The following SCAF4 variants were observed in gnomAD, a reference collection of about 807,000 sequenced individuals.
The protein encoded by SCAF4 is SR-related CTD associated factor 4, also known as SR-related and CTD-associated factor 4.
In SCAF4, 25 loss-of-function variants were observed where a neutral mutation model predicts 129.8. The observed-to-expected ratio is 0.19, with a 90% confidence interval of 0.14 to 0.27. The LOEUF is 0.27. Ranked by LOEUF, SCAF4 falls within the 10% of genes least tolerant of loss-of-function variation. The pLI is 1.00. For missense variants in SCAF4, 1,246 were observed against 1,457.1 expected (o/e 0.86, Z 2.36); for synonymous variants, 551 against 497.7 (o/e 1.11, Z -1.43).
intron 7 of SCAF4, 144 bp downstream of exon 7, chr21:31,700,851 G>T: frequency 1.1e-6 from 1 of 939,606 alleles, no homozygotes; most frequent in South Asian, 1.4e-5. Flanking sequence ...GAAAATAATC[G>T]ATGTTTTCTT....
intron 1 of SCAF4, among the ~76,000 whole-genome samples, chr21:31,717,842 T>TATATATACACAC (rs547466352): frequency 8.7e-6 from 1 of 114,384 alleles, no homozygotes; most frequent in Non-Finnish European, 1.7e-5. Flanking sequence ...TATATATATA[T>TATATATACACAC]ACACACACAC....
At chr21:31,725,258 A>C (rs2051173675) in intron 1 of SCAF4, among the ~76,000 whole-genome samples, 1 of 152,016 alleles carries the variant, frequency 6.6e-6, no homozygotes, top group South Asian at 2.1e-4. Flanking sequence ...AAACATTAAC[A>C]CTACAGGTTA....
At chr21:31,687,857 C>T (rs1235853517) in intron 16 of SCAF4, among the ~76,000 whole-genome samples, 1 of 151,816 alleles carries the variant, frequency 6.6e-6, no homozygotes, top group Non-Finnish European at 1.5e-5. Flanking sequence ...CCTGTAATCC[C>T]AGCACTTTGG....
intron 1 of SCAF4, among the ~76,000 whole-genome samples, chr21:31,708,629 A>G (rs906077293): frequency 6.6e-6 from 1 of 152,108 alleles, no homozygotes; most frequent in Non-Finnish European, 1.5e-5. Flanking sequence ...TGCAAAAACA[A>G]AAACAAAAAC....
At chr21:31,673,237 G>C (rs963970910) in intron 19 of SCAF4, among the ~76,000 whole-genome samples, 1 of 151,930 alleles carries the variant, frequency 6.6e-6, no homozygotes, top group Non-Finnish European at 1.5e-5. Context: ...TCACCACTTA[G>C]GTACAGAAAA....
chr21:31,691,005 T>C, intron 14 of SCAF4, 52 bp from the exon 15 acceptor site: 2 of 1,482,664 alleles, frequency 1.3e-6, no homozygotes, highest in Admixed American at 3.8e-5. Context: ...AGGTCGTAAG[T>C]CTTGAGGGTA....
intron 1 of SCAF4, among the ~76,000 whole-genome samples, chr21:31,718,670 T>C (rs2050997740): frequency 1.3e-5 from 2 of 152,348 alleles, no homozygotes; most frequent in East Asian, 3.9e-4. Flanking sequence ...GAGTCTTGTT[T>C]GAATGTAAAC....
At chr21:31,702,614 A>T (rs2050561912) in intron 4 of SCAF4, among the ~76,000 whole-genome samples, 1 of 152,198 alleles carries the variant, frequency 6.6e-6, no homozygotes, top group Non-Finnish European at 1.5e-5. Context: ...GACAATAAAA[A>T]GAAATTTATT....
rs112184778 is a variant in SCAF4, at chr21:31,723,609, G to GTTGTGTGTGTGTGTGTGT, written c.30+8053_30+8054insACACACACACACACACAA. On this transcript the variant is annotated intron_variant, in intron 1 of 19. Transcript: ENST00000286835. Reference sequence around the variant, plus strand: ...TTTAAAAGTCTGGTATGATTTATATGATGTGTGTGTGTGTGTGTGTGCGCG... The same window carrying GTTGTGTGTGTGTGTGTGT: ...TTTAAAAGTCTGGTATGATTTATATGTTGTGTGTGTGTGTGTGTATGTGTGTGTGTGTGTGTGTGCGCG... Among the ~76,000 whole-genome samples the GTTGTGTGTGTGTGTGTGT allele has an allele frequency of 1.6e-4, 23 of 146,120 alleles. 1 individual carries two copies. The highest frequency in any genetic ancestry group is 5.5e-4 in the African/African-American group (22 of 40,236).
chr21:31,685,004 GGGGGGT>G, intron 19 of SCAF4, 39 bp downstream of exon 19: 2 of 742,966 alleles, frequency 2.7e-6, no homozygotes, highest in Non-Finnish European at 4.4e-6. Context: ...GGGGGTGGGG[GGGGGGT>G]GGGGCAAGGA....
At position 31,693,346 on chromosome 21, in the gene SCAF4, C is replaced by G. The variant is rs929860441; in HGVS notation, c.1461G>C (p.Glu487Asp). The change falls in exon 12 of 20, where the codon GAG (glutamate) becomes GAC (aspartate). Residue 487 changes from glutamate to aspartate, a missense_variant. Physicochemically the swap from Glu to Asp is conservative, Grantham distance 45. Around this residue, in one of 6 missense-constraint regions of SCAF4, gnomAD observed 468 missense variants for 605.5 expected, o/e 0.77. Transcript: ENST00000286835. ...RSQERRDREK[E>D]RERRQKGLPQ... ...GGAGGCCTTTTTGTCGACGTTCTCT[C>G]TCTTTTTCTCGATCCCGTCTTTCTT... is the stretch of plus-strand genomic sequence containing the variant. The G allele has an allele frequency of 1.9e-6, 3 of 1,543,990 alleles. No individual in the cohort carries two copies. Among genetic ancestry groups the G allele is most frequent in the Non-Finnish European group, 1.8e-6 (2 of 1,131,438 alleles).
At chr21:31,684,729 T>C (rs867239889) in intron 19 of SCAF4, 22 of 315,336 alleles carry the variant, frequency 7.0e-5, no homozygotes, top group Middle Eastern at 2.1e-3. Flanking sequence ...TCTGTACCAA[T>C]TCCTTTGCAC....
At chr21:31,710,035 G>A (rs1257021384) in intron 1 of SCAF4, among the ~76,000 whole-genome samples, 7 of 148,718 alleles carry the variant, frequency 4.7e-5, no homozygotes, top group African/African-American at 1.7e-4. Context: ...AATATAGGGG[G>A]AAAAAAAAAA....
At chr21:31,708,573 G>A (rs1329405329) in intron 1 of SCAF4, among the ~76,000 whole-genome samples, 1 of 152,026 alleles carries the variant, frequency 6.6e-6, no homozygotes, top group Non-Finnish European at 1.5e-5. Flanking sequence ...TAAGACAGTT[G>A]CTTATTATTG....
intron 1 of SCAF4, among the ~76,000 whole-genome samples, chr21:31,711,619 ACT>A (rs954101561): frequency 4.6e-5 from 7 of 152,110 alleles, no homozygotes; most frequent in African/African-American, 1.7e-4. Context: ...ATTTCCCAAA[ACT>A]CTAATTCTTT....
chr21:31,679,539 G>A (rs143865923), intron 19 of SCAF4, among the ~76,000 whole-genome samples: 3 of 152,238 alleles, frequency 2.0e-5, no homozygotes, highest in African/African-American at 7.2e-5. Context: ...AGAATAAGGA[G>A]CCAATTTTCA....
At chr21:31,709,137 T>G (rs559152323) in intron 1 of SCAF4, among the ~76,000 whole-genome samples, 1 of 152,284 alleles carries the variant, frequency 6.6e-6, no homozygotes, top group Admixed American at 6.5e-5. Flanking sequence ...CCTCATTTCC[T>G]GAAATGTAGA....
chr21:31,727,808 A>G (rs1381960837), intron 1 of SCAF4, among the ~76,000 whole-genome samples: 2 of 151,956 alleles, frequency 1.3e-5, no homozygotes, highest in Non-Finnish European at 2.9e-5. Context: ...AAAAAATTCC[A>G]TACTCTTTAT....
At chr21:31,731,628 A>G in intron 1 of SCAF4, 35 bp downstream of exon 1, 1 of 1,585,218 alleles carries the variant, frequency 6.3e-7, no homozygotes, top group South Asian at 1.1e-5. Flanking sequence ...CTCCCGCAGC[A>G]GGCCCGGCAC....
Sources: gnomAD v4.1 joint callset for allele counts (sites outside exome capture counted in the v4.1 genomes callset) on GRCh38, gnomAD v4.1.1 for gene constraint, gnomAD v4.1.1 regional missense constraint, MANE v1.5 for transcripts, NCBI Gene and HGNC (gene_info 2026-07-23, HGNC 2026-07-21) for gene names.